The following ZNF730 variants were observed in gnomAD, a reference collection of about 807,000 sequenced individuals.
ZNF730 encodes the protein zinc finger protein 730.
Under a neutral mutation model 12.6 loss-of-function variants are expected in ZNF730, and 12 were observed. The observed-to-expected ratio is 0.95, with a 90% confidence interval of 0.61 to 1.54. The LOEUF (loss-of-function observed/expected upper bound fraction) is 1.54, where lower values mean the gene tolerates loss of function less well. Ranked by LOEUF, ZNF730 falls within the 40% of genes most tolerant of loss-of-function variation. ZNF730 has a pLI of 0.00. For missense variants in ZNF730, 643 were observed against 583.5 expected, an observed-to-expected ratio of 1.10 and a Z score of -1.05; for synonymous variants, 194 against 195.8, an observed-to-expected ratio of 0.99 and a Z score of 0.08.
intron 1 of ZNF730, among the ~76,000 whole-genome samples, chr19:23,079,097 T>C (rs1365540649): frequency 6.6e-6 from 1 of 152,016 alleles, no homozygotes; most frequent in Non-Finnish European, 1.5e-5. Flanking sequence ...TGAGCCACTG[T>C]ACCCGGCCCT....
chr19:23,141,210 C>T lies in ZNF730; in HGVS notation c.227-4061C>T, dbSNP rs190512151. Among the ~76,000 whole-genome samples the T allele has an allele frequency of 1.9e-4, 29 of 151,886 alleles. No homozygotes were observed. In the East Asian group the frequency reaches 4.1e-3, roughly 22 times the overall value. ...GAAATCGAGACCATCCTGGCTAACA[C>T]GGTGAAACCCCGTCTATACTAAAAA... On this transcript the variant is annotated intron_variant, in intron 3 of 3. Coordinates refer to ENST00000597761, the MANE Select transcript of ZNF730 (RefSeq NM_001277403.2).
At chr19:23,129,297 C>T (rs1453075089) in intron 1 of ZNF730, among the ~76,000 whole-genome samples, 1 of 152,160 alleles carries the variant, frequency 6.6e-6, no homozygotes, top group East Asian at 1.9e-4. Flanking sequence ...GCACCATGTG[C>T]CCGGAGAAGC....
At chr19:23,079,458 A>C (rs373843114) in intron 1 of ZNF730, among the ~76,000 whole-genome samples, 10 of 152,132 alleles carry the variant, frequency 6.6e-5, no homozygotes, top group Admixed American at 5.2e-4. Flanking sequence ...CGCCCGGCCT[A>C]TTGCTTTATT....
intron 1 of ZNF730, among the ~76,000 whole-genome samples, chr19:23,087,618 CT>C (rs555576971): frequency 2.2e-3 from 305 of 135,710 alleles, no homozygotes; most frequent in Middle Eastern, 3.9e-3. Flanking sequence ...TCTTTTCTTG[CT>C]TTTTTTTTTT....
chr19:23,129,545 A>G (rs1471118422), intron 1 of ZNF730, among the ~76,000 whole-genome samples: 2 of 150,140 alleles, frequency 1.3e-5, no homozygotes, highest in African/African-American at 5.0e-5. Context: ...TCCCTTATGG[A>G]ATGACTGTAT....
chr19:23,146,299 A>T lies in ZNF730; in HGVS notation c.1255A>T (p.Thr419Ser), dbSNP rs1482842503. Residue 419 changes from threonine (T) to serine (S), a missense_variant, in exon 4 of 4, where the codon ACT becomes TCT. Thr to Ser is a moderately conservative substitution (Grantham distance 58). Transcript: ENST00000597761. ...SHLTTHKRIH[T>S]GEKPYKCEEC... ...CCTTACTACACATAAGAGAATTCAT[A>T]CTGGAGAGAAACCCTACAAATGTGA... The T allele has an allele frequency of 6.2e-7, 1 of 1,613,692 alleles. No individual in the cohort carries two copies. The highest frequency in any genetic ancestry group is 8.5e-7 in the Non-Finnish European group (1 of 1,179,728).
At chr19:23,107,977 C>T (rs1289789778) in intron 1 of ZNF730, among the ~76,000 whole-genome samples, 1 of 152,024 alleles carries the variant, frequency 6.6e-6, no homozygotes, top group Non-Finnish European at 1.5e-5. Flanking sequence ...TGATTGCCAA[C>T]GCCGAGGCAC....
intron 3 of ZNF730, 51 bp downstream of exon 3, chr19:23,136,094 A>T: frequency 7.8e-7 from 1 of 1,281,240 alleles, no homozygotes; most frequent in Non-Finnish European, 1.0e-6. Flanking sequence ...TCTATAGTTT[A>T]AAAAAAGAAA....
upstream of ZNF730, among the ~76,000 whole-genome samples, chr19:23,112,828 C>G (rs1229396932): frequency 1.3e-5 from 2 of 151,910 alleles, no homozygotes; most frequent in African/African-American, 2.4e-5. Context: ...GTCCACTGCT[C>G]TTAACCTATT....
chr19:23,076,920 A>G (rs1353621843), intron 1 of ZNF730, among the ~76,000 whole-genome samples: 3 of 152,218 alleles, frequency 2.0e-5, no homozygotes. Context: ...ACAATAGCAA[A>G]GACATGGAGT....
chr19:23,117,150 C>T lies in ZNF730; in HGVS notation c.-24C>T. The T allele has an allele frequency of 6.2e-7, 1 of 1,613,872 alleles. No homozygotes were observed. The highest frequency in any genetic ancestry group is 8.5e-7 in the Non-Finnish European group (1 of 1,179,800). On this transcript the variant is annotated 5_prime_UTR_variant, in exon 1 of 4. Coordinates refer to ENST00000597761, the MANE Select transcript of ZNF730 (RefSeq NM_001277403.2). ...TATTGGGAGATCCACAGCTAAGACG[C>T]CAGGGCCCCCTGGAAGCCTAGAAAT...
intron 1 of ZNF730, among the ~76,000 whole-genome samples, chr19:23,089,318 T>A (rs369901299): frequency 2.6e-4 from 40 of 152,182 alleles, no homozygotes; most frequent in African/African-American, 8.9e-4. Context: ...GCAATTCTCC[T>A]GCCTCAGTCC....
intron 2 of ZNF730, among the ~76,000 whole-genome samples, chr19:23,135,553 C>A (rs919626251): frequency 1.3e-5 from 2 of 151,868 alleles, no homozygotes; most frequent in African/African-American, 4.8e-5. Context: ...TTCTGTCACC[C>A]AGGCTGGAGT....
chr19:23,145,378 C>T lies in ZNF730; in HGVS notation c.334C>T (p.Leu112=), dbSNP rs1377965682. 6.3e-6 allele frequency: 10 copies of T among 1,592,374 alleles called. No homozygotes were observed. The highest frequency in any genetic ancestry group is 2.3e-5 in the East Asian group (1 of 43,986). Residue 112 remains leucine (L), a synonymous_variant, in exon 4 of 4, where the codon CTG becomes TTG. Coordinates refer to ENST00000597761, the MANE Select transcript of ZNF730 (RefSeq NM_001277403.2). ...TAAAAAATGTAGACATGAGAATTTA[C>T]TGTTAAGAAAAGGCTGTAAAAATGT... The part of the protein sequence containing the change: ...QYKKCRHENL[L]LRKGCKNVDE...
At chr19:23,132,864 A>G (rs1022316539) in intron 1 of ZNF730, among the ~76,000 whole-genome samples, 1 of 152,236 alleles carries the variant, frequency 6.6e-6, no homozygotes, top group African/African-American at 2.4e-5. Context: ...ACTATTAACA[A>G]TTATAGAACA....
rs992236384 is a variant in ZNF730 at position 23,128,015 on chromosome 19, A to G, written c.4-6065A>G. 1.5e-5 allele frequency: 11 copies of G among 749,910 alleles called. No homozygotes were observed. In the Admixed American group the frequency reaches 1.5e-4, roughly 11 times the overall value. 46.5% of individuals were successfully genotyped at this position (749,910 alleles called of 1,614,324 possible). A position where few individuals can be genotyped will look rare whatever the true frequency, so the allele number is the denominator to read the frequency against. On this transcript the variant is annotated intron_variant, in intron 1 of 3. Transcript: ENST00000597761. ...TCAAGATCTGTGACCTATGGCATGG[A>G]CAAGATCTGTGAAGGCCAAGTGGAG...
intron 1 of ZNF730, among the ~76,000 whole-genome samples, chr19:23,083,539 C>T (rs1170466901): frequency 6.6e-6 from 1 of 151,928 alleles, no homozygotes; most frequent in African/African-American, 2.4e-5. Context: ...TAAATATTTA[C>T]ACTCCCGCCA....
chr19:23,138,671 G>T (rs1029052963), intron 3 of ZNF730, among the ~76,000 whole-genome samples: 2 of 152,116 alleles, frequency 1.3e-5, no homozygotes, highest in African/African-American at 4.8e-5. Flanking sequence ...TAAAAAGGAT[G>T]CTCCTCAATC....
Position 23,146,830 on chromosome 19 carries a change from C to G in ZNF730, c.*274C>G. ...TACAAGTGTGAAGAATGTGACAAAG[C>G]CTTTAACAAATCCTTAATTCTTAAC... On this transcript the variant is annotated 3_prime_UTR_variant, in exon 4 of 4. Coordinates refer to ENST00000597761, the MANE Select transcript of ZNF730 (RefSeq NM_001277403.2). The G allele has an allele frequency of 1.2e-6, 1 of 834,488 alleles. No homozygotes were observed. Among genetic ancestry groups the G allele is most frequent in the South Asian group, 1.4e-5 (1 of 70,392 alleles). 51.7% of individuals were successfully genotyped at this position (834,488 alleles called of 1,614,324 possible). A position where few individuals can be genotyped will look rare whatever the true frequency, so the allele number is the denominator to read the frequency against.
Sources: allele counts gnomAD v4.1 joint callset (sites outside exome capture counted in the v4.1 genomes callset), GRCh38; gene constraint gnomAD v4.1.1; transcripts MANE v1.5; gene names NCBI Gene and HGNC (gene_info 2026-07-23, HGNC 2026-07-21).